IGF2BP1: variants seen among roughly 807,000 people sequenced by gnomAD.
IGF2BP1 encodes insulin like growth factor 2 mRNA binding protein 1, also known as insulin-like growth factor 2 mRNA-binding protein 1.
A neutral mutation model predicts 74.9 loss-of-function variants in IGF2BP1; 11 were observed. That is an observed-to-expected ratio of 0.15 (90% CI 0.09 to 0.24). The LOEUF is 0.24. Ranked by LOEUF, IGF2BP1 falls within the 10% of genes least tolerant of loss-of-function variation. The probability of loss-of-function intolerance (pLI) is 1.00; values close to 1 mark genes in which losing one functional copy is unlikely to be tolerated. For missense variants in IGF2BP1, 440 were observed against 757.4 expected, an observed-to-expected ratio of 0.58 and a Z score of 4.92; for synonymous variants, 287 against 281.8, an observed-to-expected ratio of 1.02 and a Z score of -0.18.
At chr17:49,015,638 C>A (rs924325663) in intron 2 of IGF2BP1, among the ~76,000 whole-genome samples, 1 of 152,176 alleles carries the variant, frequency 6.6e-6, no homozygotes, top group African/African-American at 2.4e-5. Flanking sequence ...CCAGGGACCC[C>A]CCATTCTCTG....
intron 4 of IGF2BP1, among the ~76,000 whole-genome samples, chr17:49,029,391 G>A (rs1484421155): frequency 1.3e-5 from 2 of 152,144 alleles, no homozygotes; most frequent in Admixed American, 1.3e-4. Flanking sequence ...GAGATGGGAG[G>A]AATAGCTTTA....
chr17:49,041,403 C>G lies in IGF2BP1; in HGVS notation c.844C>G (p.Leu282Val). ...GGCTGACGAGGTTCCCCTGAAGATC[C>G]TGGCCCATAATAACTTTGTAGGGCG... is the stretch of plus-strand genomic sequence containing the variant. ...KTADEVPLKI[L>V]AHNNFVGRLI... The change falls in exon 8 of 15, where the codon CTG becomes GTG. Residue 282 changes from leucine to valine, a missense_variant. By Grantham distance (32) the Leu-to-Val change is conservative. Around this residue, in one of 5 missense-constraint regions of IGF2BP1, gnomAD observed 184 missense variants for 273.4 expected, o/e 0.67. Coordinates refer to ENST00000290341, the MANE Select transcript of IGF2BP1 (RefSeq NM_006546.4). The G allele has an allele frequency of 6.2e-7, 1 of 1,614,026 alleles. No individual in the cohort carries two copies. Among genetic ancestry groups the G allele is most frequent in the Middle Eastern group, 1.7e-4 (1 of 6,058 alleles).
chr17:48,997,235 G>T (rs2041415204), upstream of IGF2BP1, among the ~76,000 whole-genome samples: 1 of 152,060 alleles, frequency 6.6e-6, no homozygotes, highest in South Asian at 2.1e-4. This position sits in a 1 kb window ranked among gnomAD's most constrained non-coding sequence, Gnocchi z 4.8. Context: ...AGTTTACCCC[G>T]GGGGTGAGTT....
chr17:49,049,985 A>T lies in IGF2BP1; in HGVS notation c.*541A>T, dbSNP rs1037685405. On this transcript the variant is annotated 3_prime_UTR_variant, in exon 15 of 15. Coordinates refer to ENST00000290341, the MANE Select transcript of IGF2BP1 (RefSeq NM_006546.4). ...CGAACGAATGCATTGCTTTGCTTACAGTATTGACTCAAGGGAAAAGAACTG... is the reference window on the plus strand; with the variant it reads ...CGAACGAATGCATTGCTTTGCTTACTGTATTGACTCAAGGGAAAAGAACTG... 6.5e-6 allele frequency: 1 copy of T among 153,518 alleles called. No homozygotes were observed. The highest frequency in any genetic ancestry group is 2.4e-5 in the African/African-American group (1 of 41,442). 9.5% of individuals were successfully genotyped at this position (153,518 alleles called of 1,614,324 possible). A position where few individuals can be genotyped will look rare whatever the true frequency, so the allele number is the denominator to read the frequency against.
intron 1 of IGF2BP1, among the ~76,000 whole-genome samples, chr17:48,998,275 GC>G (rs1386777407): frequency 2.0e-5 from 3 of 152,144 alleles, no homozygotes; most frequent in Non-Finnish European, 4.4e-5. Context: ...TCCACGCCCA[GC>G]CCCTCCCTAT....
intron 7 of IGF2BP1, among the ~76,000 whole-genome samples, chr17:49,041,170 C>A (rs2042047994): frequency 6.6e-6 from 1 of 151,994 alleles, no homozygotes; most frequent in Non-Finnish European, 1.5e-5. Flanking sequence ...TAGAGTGAGA[C>A]CCTGTCTCAA....
intron 2 of IGF2BP1, among the ~76,000 whole-genome samples, chr17:49,016,366 G>T (rs532157569): frequency 6.6e-6 from 1 of 152,268 alleles, no homozygotes; most frequent in African/African-American, 2.4e-5. Context: ...TTTTTCAACT[G>T]GAACTTCTTG....
chr17:49,023,598 C>T (rs62078402), intron 2 of IGF2BP1, among the ~76,000 whole-genome samples: 1 of 152,104 alleles, frequency 6.6e-6, no homozygotes, highest in Non-Finnish European at 1.5e-5. Flanking sequence ...TGGCACTGTC[C>T]CCATTGCATG....
At chr17:49,025,853 C>CTTTTTTT (rs749731111) in intron 3 of IGF2BP1, among the ~76,000 whole-genome samples, 187 bp downstream of exon 3, 1 of 140,416 alleles carries the variant, frequency 7.1e-6, no homozygotes, top group South Asian at 2.2e-4. Flanking sequence ...TCTTTCTTTT[C>CTTTTTTT]TTTCTTTTTT....
At chr17:49,005,374 C>T (rs1054360920) in intron 2 of IGF2BP1, among the ~76,000 whole-genome samples, 2 of 152,158 alleles carry the variant, frequency 1.3e-5, no homozygotes. Flanking sequence ...CATGGCTGGT[C>T]GTAAGCAAAC....
rs554109952 is a variant in IGF2BP1, at chr17:49,019,812, C to T, written c.237-5806C>T. On this transcript the variant is annotated intron_variant, in intron 2 of 14. Coordinates refer to ENST00000290341, the MANE Select transcript of IGF2BP1 (RefSeq NM_006546.4). Reference sequence around the variant, plus strand: ...AGGCCGGAGTGCAATGGTGCCATCTCGGCTCACTGCAACCTCTGCTTCCCG... The same window carrying T: ...AGGCCGGAGTGCAATGGTGCCATCTTGGCTCACTGCAACCTCTGCTTCCCG... 3.0e-4 allele frequency among the ~76,000 whole-genome samples: 44 copies of T among 147,656 alleles called. No individual in the cohort carries two copies. In the East Asian group the frequency reaches 4.0e-3, roughly 13 times the overall value.
chr17:49,026,557 G>T, intron 4 of IGF2BP1, 40 bp downstream of exon 4: 1 of 1,558,834 alleles, frequency 6.4e-7, no homozygotes, highest in Non-Finnish European at 8.9e-7. Flanking sequence ...TCGTGGTGGG[G>T]GTTGGAGGAG....
chr17:49,042,733 A>G (rs1598157623), intron 9 of IGF2BP1, among the ~76,000 whole-genome samples: 1 of 152,076 alleles, frequency 6.6e-6, no homozygotes, highest in African/African-American at 2.4e-5. Flanking sequence ...TTGGAGCACA[A>G]TGGCGCAATC....
At chr17:49,026,986 C>G (rs2041866297) in intron 4 of IGF2BP1, among the ~76,000 whole-genome samples, 1 of 152,210 alleles carries the variant, frequency 6.6e-6, no homozygotes, top group African/African-American at 2.4e-5. Flanking sequence ...TGTGACCCAC[C>G]CGCCTCAGCC....
chr17:49,006,506 T>C (rs888794126), intron 2 of IGF2BP1, among the ~76,000 whole-genome samples: 5 of 152,238 alleles, frequency 3.3e-5, no homozygotes, highest in Non-Finnish European at 5.9e-5. Flanking sequence ...GTTGTAGATA[T>C]TGACTTCTGT....
intron 4 of IGF2BP1, among the ~76,000 whole-genome samples, chr17:49,031,495 T>G (rs1386639079): frequency 1.3e-5 from 2 of 151,936 alleles, no homozygotes; most frequent in African/African-American, 4.8e-5. Flanking sequence ...TGTCCTTTTC[T>G]TTCTTCTTTT....
intron 3 of IGF2BP1, among the ~76,000 whole-genome samples, chr17:49,025,934 C>T (rs533303989): frequency 6.7e-6 from 1 of 149,884 alleles, no homozygotes; most frequent in South Asian, 2.1e-4. Context: ...CGACTCACTG[C>T]ATCCTCTTCC....
intron 2 of IGF2BP1, among the ~76,000 whole-genome samples, chr17:49,021,140 C>T (rs2041786594): frequency 6.6e-6 from 1 of 150,850 alleles, no homozygotes; most frequent in Admixed American, 6.6e-5. Flanking sequence ...AATACCCTGT[C>T]TCAAAGGAAA....
chr17:49,036,442 C>G (rs1446904806), intron 5 of IGF2BP1: 2 of 151,044 alleles, frequency 1.3e-5, no homozygotes, highest in Non-Finnish European at 2.9e-5. Flanking sequence ...ATTTGTGAAG[C>G]GTTCCATCAA....
Sources: allele counts gnomAD v4.1 joint callset (sites outside exome capture counted in the v4.1 genomes callset), GRCh38; gene constraint gnomAD v4.1.1; regional missense constraint gnomAD v4.1.1; non-coding constraint Gnocchi (gnomAD v3.1); transcripts MANE v1.5; gene names NCBI Gene and HGNC (gene_info 2026-07-23, HGNC 2026-07-21).